KIFAP3: variants seen among roughly 807,000 people sequenced by gnomAD.
The protein encoded by KIFAP3 is kinesin-associated protein 3.
In KIFAP3, 68 loss-of-function variants were observed where a neutral mutation model predicts 106.5. That is an observed-to-expected ratio of 0.64 (90% CI 0.53 to 0.78). KIFAP3 has a LOEUF of 0.78. KIFAP3 is among the 30% of genes least tolerant of loss of function. KIFAP3 has a pLI of 0.00. For synonymous variants in KIFAP3, 320 were observed against 311.5 expected (o/e 1.03, Z -0.29); for missense variants, 780 against 941.8 (o/e 0.83, Z 2.25).
At chr1:169,978,051 A>G in intron 16 of KIFAP3, 34 bp downstream of exon 16, 1 of 1,369,972 alleles carries the variant, frequency 7.3e-7, no homozygotes, top group Non-Finnish European at 1.0e-6. Flanking sequence ...AATATGTGAA[A>G]TATTGTTATC....
intron 1 of KIFAP3, among the ~76,000 whole-genome samples, chr1:170,065,613 CAAAA>C (rs71125225): frequency 1.4e-4 from 7 of 49,872 alleles, no homozygotes; most frequent in African/African-American, 4.4e-4. Context: ...GACTCCACCT[CAAAA>C]AAAAAAAAAA....
intron 19 of KIFAP3, among the ~76,000 whole-genome samples, chr1:169,922,480 C>A (rs1474621080): frequency 7.2e-5 from 11 of 152,056 alleles, no homozygotes; most frequent in Non-Finnish European, 4.4e-5. Flanking sequence ...CCAAAGATAA[C>A]CTTCAGAGTT....
rs67702185 is a variant in KIFAP3 at position 169,991,345 on chromosome 1, C to CA, written c.1284+809dup. ...TGGGCAACAGAGCAAGATCCTGTCT[C>CA]AAAAAAAAAAAAGGAAGGAAGGAAG... On this transcript the variant is annotated intron_variant, in intron 11 of 19. Coordinates refer to ENST00000361580, the MANE Select transcript of KIFAP3 (RefSeq NM_014970.4). 6.5e-5 allele frequency among the ~76,000 whole-genome samples: 9 copies of CA among 138,890 alleles called. No individual in the cohort carries two copies. The South Asian group carries it at 6.9e-4, about 11-fold the overall frequency. 91.1% of individuals were successfully genotyped at this position (138,890 alleles called of 152,430 possible).
At chr1:170,067,639 T>A (rs1671508939) in intron 1 of KIFAP3, 1 of 152,264 alleles carries the variant, frequency 6.6e-6, no homozygotes, top group Admixed American at 6.5e-5. Context: ...GTTTTGCAAC[T>A]GACTGAAGTT....
At chr1:170,009,644 A>G (rs534460243) in intron 10 of KIFAP3, among the ~76,000 whole-genome samples, 72 of 152,282 alleles carry the variant, frequency 4.7e-4, no homozygotes, top group African/African-American at 1.7e-3. Flanking sequence ...ATGATGCATC[A>G]GACAAAAAGC....
At chr1:170,019,788 C>T (rs549390409) in intron 9 of KIFAP3, among the ~76,000 whole-genome samples, 45 of 152,280 alleles carry the variant, frequency 3.0e-4, no homozygotes, top group Admixed American at 2.1e-3. Flanking sequence ...GCAGGGATAG[C>T]CGCTCACACG....
At chr1:169,981,444 G>A (rs1666519474) in intron 15 of KIFAP3, among the ~76,000 whole-genome samples, 1 of 152,094 alleles carries the variant, frequency 6.6e-6, no homozygotes, top group Non-Finnish European at 1.5e-5. Flanking sequence ...TTGTATTCAA[G>A]TAACCCTTAT....
chr1:169,975,606 T>G (rs1352932418), intron 16 of KIFAP3, among the ~76,000 whole-genome samples: 1 of 151,908 alleles, frequency 6.6e-6, no homozygotes, highest in East Asian at 1.9e-4. Context: ...TTTTTTAAAT[T>G]TATTTTTTAT....
chr1:169,928,174 A>C (rs566947458), intron 19 of KIFAP3, among the ~76,000 whole-genome samples: 5 of 151,266 alleles, frequency 3.3e-5, no homozygotes, highest in Admixed American at 2.0e-4. Context: ...ATCTTGGCTC[A>C]CTGCAACCTC....
rs144951078 is a variant in KIFAP3 at position 170,074,370 on chromosome 1, G to A, written c.32+66C>T. 17 of 1,581,958 alleles carry A rather than the reference G, an allele frequency of 1.1e-5. No individual in the cohort carries two copies. The African/African-American group carries it at 2.2e-4, about 20-fold the overall frequency. ...TAGCGTTGCCCAGTGACATCTCACA[G>A]CCAACCCAAGAACATCTTCAGGGCC... On this transcript the variant is annotated intron_variant, in intron 1 of 19. Coordinates refer to ENST00000361580, the MANE Select transcript of KIFAP3 (RefSeq NM_014970.4).
At chr1:170,012,954 C>A (rs1170635272) in intron 10 of KIFAP3, among the ~76,000 whole-genome samples, 2 of 152,100 alleles carry the variant, frequency 1.3e-5, no homozygotes, top group African/African-American at 4.8e-5. Context: ...TTATCACCAC[C>A]TGGCCCGGCC....
At chr1:170,001,140 T>G (rs1410277605) in intron 10 of KIFAP3, among the ~76,000 whole-genome samples, 1 of 152,142 alleles carries the variant, frequency 6.6e-6, no homozygotes, top group Non-Finnish European at 1.5e-5. Flanking sequence ...TATTTTATTA[T>G]GTCTTCTGTA....
intron 9 of KIFAP3, among the ~76,000 whole-genome samples, chr1:170,018,887 T>G (rs1424451199): frequency 6.6e-6 from 1 of 152,160 alleles, no homozygotes; most frequent in Non-Finnish European, 1.5e-5. Flanking sequence ...ACCCTAGAGC[T>G]GTTCATTATA....
chr1:170,082,726 A>G (rs1224060772), intron 1 of KIFAP3, among the ~76,000 whole-genome samples: 1 of 152,188 alleles, frequency 6.6e-6, no homozygotes, highest in Non-Finnish European at 1.5e-5. Context: ...TAATCCCAGC[A>G]CTTTGGGGGG....
intron 19 of KIFAP3, among the ~76,000 whole-genome samples, chr1:169,925,056 T>C (rs1393098077): frequency 6.6e-6 from 1 of 152,204 alleles, no homozygotes; most frequent in East Asian, 1.9e-4. Flanking sequence ...ATAAGTATAC[T>C]GGAATTCAAT....
upstream of KIFAP3, among the ~76,000 whole-genome samples, chr1:170,078,545 C>T (rs1408753023): frequency 2.0e-5 from 3 of 151,974 alleles, no homozygotes; most frequent in African/African-American, 7.2e-5. Context: ...CAACTTTATA[C>T]TAATAAATTT....
At chr1:170,048,606 T>C (rs998435961) in intron 2 of KIFAP3, among the ~76,000 whole-genome samples, 8 of 150,948 alleles carry the variant, frequency 5.3e-5, no homozygotes, top group African/African-American at 2.0e-4. Flanking sequence ...ACGCAAAAGG[T>C]GGGTGATTTC....
intron 10 of KIFAP3, among the ~76,000 whole-genome samples, chr1:169,995,985 A>G (rs964434698): frequency 5.9e-5 from 9 of 152,102 alleles, no homozygotes; most frequent in Non-Finnish European, 8.8e-5. Context: ...CAGAAAGTAC[A>G]GAGAAGAGTC....
chr1:170,073,508 A>T (rs1231383267), intron 1 of KIFAP3, among the ~76,000 whole-genome samples: 1 of 152,154 alleles, frequency 6.6e-6, no homozygotes, highest in Non-Finnish European at 1.5e-5. Context: ...CCACCACCTT[A>T]CATTCATGTT....
Sources: gnomAD v4.1 joint callset for allele counts (sites outside exome capture counted in the v4.1 genomes callset) on GRCh38, gnomAD v4.1.1 for gene constraint, MANE v1.5 for transcripts, NCBI Gene and HGNC (gene_info 2026-07-23, HGNC 2026-07-21) for gene names.